CDH23: variants seen among roughly 807,000 people sequenced by gnomAD.
The protein encoded by CDH23 is cadherin-23.
A neutral mutation model predicts 317.1 loss-of-function variants in CDH23; 189 were observed. The observed-to-expected ratio is 0.60, with a 90% CI of 0.53 to 0.67. The LOEUF (loss-of-function observed/expected upper bound fraction) is 0.67, where lower values mean the gene tolerates loss of function less well. Ranked by LOEUF, CDH23 falls within the 30% of genes least tolerant of loss-of-function variation. CDH23 has a pLI of 0.00. For synonymous variants in CDH23, 1,839 were observed against 1,876.8 expected, an observed-to-expected ratio of 0.98 and a Z score of 0.52; for missense variants, 4,401 against 4,592.4, an observed-to-expected ratio of 0.96 and a Z score of 1.20.
chr10:71,687,746 G>A (rs2132695145), intron 19 of CDH23, 27 bp downstream of exon 19: 4 of 1,605,886 alleles, frequency 2.5e-6, no homozygotes, highest in Non-Finnish European at 2.6e-6. Context: ...GGGGGTGGGG[G>A]GCACATGGAG....
intron 3 of CDH23, among the ~76,000 whole-genome samples, chr10:71,483,332 G>T (rs1484288561): frequency 6.6e-6 from 1 of 152,210 alleles, no homozygotes. Context: ...TTTTTGGGGA[G>T]CAGGCCCAGG....
chr10:71,672,813 A>T (rs1174651979), intron 14 of CDH23, among the ~76,000 whole-genome samples: 2 of 151,882 alleles, frequency 1.3e-5, no homozygotes, highest in Admixed American at 6.6e-5. Flanking sequence ...GGCACCTCAC[A>T]TATCCTTCCC....
chr10:71,531,538 C>T (rs577626018), intron 6 of CDH23, among the ~76,000 whole-genome samples: 1 of 152,230 alleles, frequency 6.6e-6, no homozygotes, highest in African/African-American at 2.4e-5. Context: ...TAGCTGCACT[C>T]ACCCCACTAG....
At chr10:71,401,335 G>T (rs931076354) in intron 1 of CDH23, among the ~76,000 whole-genome samples, 6 of 152,164 alleles carry the variant, frequency 3.9e-5, no homozygotes, top group Admixed American at 3.9e-4. Flanking sequence ...TGGCCTCTCA[G>T]TAGCCACTGA....
intron 33 of CDH23, 130 bp from the exon 34 acceptor site, chr10:71,734,526 C>T (rs1839500343): frequency 6.2e-7 from 1 of 1,601,896 alleles, no homozygotes; most frequent in Non-Finnish European, 8.5e-7. Flanking sequence ...AGGATGAGAC[C>T]TCAGGCAGGT....
At chr10:71,402,963 A>G (rs1847853263) in intron 1 of CDH23, among the ~76,000 whole-genome samples, 1 of 149,432 alleles carries the variant, frequency 6.7e-6, no homozygotes, top group Non-Finnish European at 1.5e-5. Context: ...AAAAATACAG[A>G]AAAAAAAAAT....
chr10:71,544,092 A>G (rs1420694629), intron 6 of CDH23, among the ~76,000 whole-genome samples: 3 of 152,180 alleles, frequency 2.0e-5, no homozygotes, highest in African/African-American at 7.2e-5. Context: ...GCTTTTAATC[A>G]GAGTTATGTT....
At chr10:71,524,751 T>G (rs1245765209) in intron 6 of CDH23, among the ~76,000 whole-genome samples, 1 of 151,988 alleles carries the variant, frequency 6.6e-6, no homozygotes, top group Non-Finnish European at 1.5e-5. Flanking sequence ...GAGGTGAGTG[T>G]TGGGATCTGA....
chr10:71,779,164 T>A, intron 40 of CDH23, 103 bp from the exon 41 acceptor site: 1 of 1,104,848 alleles, frequency 9.1e-7, no homozygotes, highest in Non-Finnish European at 1.4e-6. Context: ...TGCATGGGCC[T>A]CATGAGGCAG....
At chr10:71,432,828 A>C (rs1193863151) in intron 1 of CDH23, among the ~76,000 whole-genome samples, 1 of 152,102 alleles carries the variant, frequency 6.6e-6, no homozygotes, top group Admixed American at 6.5e-5. Flanking sequence ...CCCAGGATAA[A>C]AGGAGCTCCA....
intron 69 of CDH23, among the ~76,000 whole-genome samples, chr10:71,814,278 G>C (rs1842043725): frequency 6.6e-6 from 1 of 152,200 alleles, no homozygotes; most frequent in African/African-American, 2.4e-5. Flanking sequence ...AGCCAGATGT[G>C]GTGGCACACG....
intron 8 of CDH23, among the ~76,000 whole-genome samples, chr10:71,576,107 C>G (rs1323545316): frequency 6.6e-6 from 1 of 152,220 alleles, no homozygotes; most frequent in Admixed American, 6.5e-5. Flanking sequence ...TGCAGGAGCC[C>G]AGCACGGGCT....
At position 71,799,295 on chromosome 10, in the gene CDH23, C is replaced by T. The variant is rs755418983; in HGVS notation, c.7224+15C>T. ...CCTCCTACCAGGTGGGTGGCCAGGC[C>T]ACAGGCTGGGTCCAGGACCTGCGCC... On this transcript the variant is annotated intron_variant, in intron 51 of 69. Transcript: ENST00000224721. The T allele has an allele frequency of 6.2e-7, 1 of 1,614,014 alleles. No homozygotes were observed. Among genetic ancestry groups the T allele is most frequent in the Admixed American group, 1.7e-5 (1 of 60,024 alleles).
At chr10:71,515,359 C>T (rs1380133178) in intron 6 of CDH23, among the ~76,000 whole-genome samples, 1 of 65,158 alleles carries the variant, frequency 1.5e-5, no homozygotes, top group Non-Finnish European at 3.6e-5. Context: ...CTGTCTGTTT[C>T]TCTCTCTCTC....
At position 71,511,011 on chromosome 10, in the gene CDH23, C is replaced by T; in HGVS notation, c.336+10C>T. ...CAGCGACCACCAGGGGGTGAGTGTT[C>T]CCTGGGGCCCTGGAGGCATGTTCCT... On this transcript the variant is annotated intron_variant, in intron 5 of 69. Transcript: ENST00000224721. The T allele has an allele frequency of 1.2e-6, 2 of 1,613,844 alleles. No individual in the cohort carries two copies. The highest frequency in any genetic ancestry group is 2.7e-5 in the African/African-American group (2 of 75,032).
chr10:71,588,712 C>T (rs1293719836), intron 9 of CDH23, among the ~76,000 whole-genome samples: 1 of 152,168 alleles, frequency 6.6e-6, no homozygotes. Context: ...TGCAGAGGCA[C>T]CTACAGGATG....
intron 14 of CDH23, among the ~76,000 whole-genome samples, chr10:71,647,416 T>C (rs1862947310): frequency 6.6e-6 from 1 of 151,842 alleles, no homozygotes; most frequent in African/African-American, 2.4e-5. Context: ...TGAGCCGAGA[T>C]TGTGTCACTG....
chr10:71,804,877 AAATT>A (rs1488221733), intron 55 of CDH23, among the ~76,000 whole-genome samples: 1 of 152,192 alleles, frequency 6.6e-6, no homozygotes, highest in Non-Finnish European at 1.5e-5. Flanking sequence ...GGCAGGGTAC[AAATT>A]AATAATAATC....
At chr10:71,552,330 G>T (rs755529292) in intron 6 of CDH23, among the ~76,000 whole-genome samples, 27 of 152,188 alleles carry the variant, frequency 1.8e-4, no homozygotes, top group Admixed American at 3.3e-4. Flanking sequence ...GGCAACAGGG[G>T]GCCAGGCCTC....
Sources: gnomAD v4.1 joint callset for allele counts (sites outside exome capture counted in the v4.1 genomes callset) on GRCh38, gnomAD v4.1.1 for gene constraint, MANE v1.5 for transcripts, NCBI Gene and HGNC (gene_info 2026-07-23, HGNC 2026-07-21) for gene names.